Variants in BBS7 observed in about 807,000 individuals in gnomAD.
The protein encoded by BBS7 is Bardet-Biedl syndrome 7.
BBS7 carries 50 observed loss-of-function variants against 90.3 expected under a neutral mutation model. The ratio of observed to expected loss-of-function variants is 0.55; its 90% confidence interval spans 0.44 to 0.70. The LOEUF is 0.70. BBS7 is among the 30% of genes least tolerant of loss of function. BBS7 has a pLI of 0.00. For synonymous variants in BBS7, 235 were observed against 287.4 expected, an observed-to-expected ratio of 0.82 and a Z score of 1.85; for missense variants, 729 against 838.9, an observed-to-expected ratio of 0.87 and a Z score of 1.62.
intron 3 of BBS7, 90 bp from the exon 4 acceptor site, chr4:121,861,769 T>C (rs1331987923): frequency 7.8e-7 from 1 of 1,286,950 alleles, no homozygotes; most frequent in African/African-American, 1.5e-5. Context: ...GATGTTAAAT[T>C]TGCAAAATAT....
intron 2 of BBS7, 138 bp downstream of exon 2, chr4:121,867,843 T>C: frequency 1.3e-6 from 1 of 778,562 alleles, no homozygotes; most frequent in South Asian, 1.6e-5. Context: ...GTATTCCAGT[T>C]TCTGTTCAAA....
At position 121,843,944 on chromosome 4, in the gene BBS7, T is replaced by C; in HGVS notation, c.1288A>G (p.Ser430Gly). 1 of 1,601,138 alleles carries C rather than the reference T, an allele frequency of 6.2e-7. No individual in the cohort carries two copies. Among genetic ancestry groups the C allele is most frequent in the Non-Finnish European group, 8.5e-7 (1 of 1,171,272 alleles). ...TTACTCACCTCAGAATCACAGCTGC[T>C]AAAGCTAACAACAGCAGAATTTTTA... ...VDKNSAVVSF[S>G]SCDSESNDNF... The change falls in exon 12 of 19, where the codon AGC (serine) becomes GGC (glycine). Residue 430 changes from serine to glycine, a missense_variant. Physicochemically the swap from Ser to Gly is moderately conservative, Grantham distance 56 (BLOSUM62 0). Transcript: ENST00000264499.
intron 15 of BBS7, among the ~76,000 whole-genome samples, chr4:121,832,271 G>A (rs887900051): frequency 6.6e-6 from 1 of 152,084 alleles, no homozygotes; most frequent in African/African-American, 2.4e-5. Context: ...GCAGTAAGCC[G>A]AGATCATGCC....
At chr4:121,844,683 T>G (rs1360248638) in intron 11 of BBS7, among the ~76,000 whole-genome samples, 1 of 152,214 alleles carries the variant, frequency 6.6e-6, no homozygotes, top group African/African-American at 2.4e-5. Flanking sequence ...GAATACCTTC[T>G]AATTTAAATA....
intron 2 of BBS7, among the ~76,000 whole-genome samples, chr4:121,863,738 A>G (rs1209974040): frequency 1.3e-5 from 2 of 152,224 alleles, no homozygotes; most frequent in Non-Finnish European, 2.9e-5. Flanking sequence ...ATAATTTTAA[A>G]CACCTTTTTT....
At chr4:121,840,951 C>A (rs1314972476) in intron 12 of BBS7, among the ~76,000 whole-genome samples, 1 of 151,520 alleles carries the variant, frequency 6.6e-6, no homozygotes, top group Non-Finnish European at 1.5e-5. Context: ...GACTCTCATA[C>A]CTCAGCCTCC....
chr4:121,839,739 T>G (rs758377575), intron 12 of BBS7, 43 bp from the exon 13 acceptor site: 2 of 1,531,350 alleles, frequency 1.3e-6, no homozygotes, highest in Non-Finnish European at 1.8e-6. Context: ...AATCCATGTT[T>G]TTAGCAACAA....
At chr4:121,844,189 T>G (rs1242411521) in intron 11 of BBS7, among the ~76,000 whole-genome samples, 188 bp from the exon 12 acceptor site, 1 of 152,204 alleles carries the variant, frequency 6.6e-6, no homozygotes, top group African/African-American at 2.4e-5. Context: ...AGAATAAATG[T>G]TATTTTACAA....
At chr4:121,858,951 C>A in intron 5 of BBS7, 41 bp downstream of exon 5, 1 of 1,559,018 alleles carries the variant, frequency 6.4e-7, no homozygotes, top group South Asian at 1.1e-5. Flanking sequence ...GATATTCTTT[C>A]ACATAATATA....
chr4:121,867,065 G>A (rs2149093282), intron 2 of BBS7, among the ~76,000 whole-genome samples: 1 of 151,926 alleles, frequency 6.6e-6, no homozygotes, highest in Non-Finnish European at 1.5e-5. Flanking sequence ...CATGAACATG[G>A]GATGTTTTTC....
chr4:121,850,861 A>G (rs1405845638), intron 8 of BBS7, among the ~76,000 whole-genome samples: 1 of 152,218 alleles, frequency 6.6e-6, no homozygotes, highest in Non-Finnish European at 1.5e-5. Context: ...AAATTAGGCT[A>G]TGATAGTTGT....
chr4:121,856,364 A>C (rs1726669164), intron 5 of BBS7, among the ~76,000 whole-genome samples: 1 of 152,222 alleles, frequency 6.6e-6, no homozygotes, highest in African/African-American at 2.4e-5. Context: ...TTAAAGAATG[A>C]GTTAGAAGTA....
intron 8 of BBS7, among the ~76,000 whole-genome samples, chr4:121,850,337 T>A (rs1039651570): frequency 3.3e-5 from 5 of 151,974 alleles, no homozygotes; most frequent in African/African-American, 1.2e-4. Context: ...GCTAATTTTT[T>A]AAATTTTTTG....
intron 8 of BBS7, among the ~76,000 whole-genome samples, chr4:121,851,379 GAA>G (rs34225067): frequency 1.9e-5 from 2 of 107,028 alleles, no homozygotes; most frequent in Non-Finnish European, 3.6e-5. Flanking sequence ...CAAGGAGCAG[GAA>G]AAAAAAAAAA....
chr4:121,840,737 G>T (rs766598201), intron 12 of BBS7, among the ~76,000 whole-genome samples: 16 of 151,604 alleles, frequency 1.1e-4, no homozygotes, highest in Non-Finnish European at 2.1e-4. Flanking sequence ...AATAATCAAA[G>T]AAATAAAAAG....
At chr4:121,856,490 G>T (rs1726679462) in intron 5 of BBS7, among the ~76,000 whole-genome samples, 3 of 152,112 alleles carry the variant, frequency 2.0e-5, no homozygotes, top group Admixed American at 2.0e-4. Context: ...GCCAAGACGG[G>T]TGGATCATCA....
chr4:121,851,796 C>A (rs1446148928), intron 8 of BBS7, among the ~76,000 whole-genome samples: 2 of 152,170 alleles, frequency 1.3e-5, no homozygotes, highest in Non-Finnish European at 2.9e-5. Flanking sequence ...GATGTGAATC[C>A]AAGATGAGGC....
At chr4:121,850,632 A>T (rs1726268279) in intron 8 of BBS7, among the ~76,000 whole-genome samples, 1 of 152,194 alleles carries the variant, frequency 6.6e-6, no homozygotes, top group African/African-American at 2.4e-5. Context: ...GTTCTAATCT[A>T]TTCTATTTTG....
At chr4:121,864,101 A>G (rs1727133948) in intron 2 of BBS7, among the ~76,000 whole-genome samples, 1 of 152,334 alleles carries the variant, frequency 6.6e-6, no homozygotes, top group South Asian at 2.1e-4. Flanking sequence ...ATGAGAATCT[A>G]ACTAATGCCT....
Sources: gnomAD v4.1 joint callset for allele counts (sites outside exome capture counted in the v4.1 genomes callset) on GRCh38, gnomAD v4.1.1 for gene constraint, MANE v1.5 for transcripts, NCBI Gene and HGNC (gene_info 2026-07-23, HGNC 2026-07-21) for gene names.